The following UTRN variants were observed in gnomAD, a reference collection of about 807,000 sequenced individuals.
UTRN encodes the protein dystrophin-related protein 1.
Under a neutral mutation model 463.9 loss-of-function variants are expected in UTRN, and 283 were observed. That is an observed-to-expected ratio of 0.61 (90% CI 0.55 to 0.67). UTRN has a LOEUF of 0.67. UTRN is among the 30% of genes least tolerant of loss of function. The pLI is 0.00. For missense variants in UTRN, 3,922 were observed against 4,084.3 expected, an observed-to-expected ratio of 0.96 and a Z score of 1.08; for synonymous variants, 1,442 against 1,431.5, an observed-to-expected ratio of 1.01 and a Z score of -0.17.
intron 58 of UTRN, among the ~76,000 whole-genome samples, chr6:144,771,151 C>G (rs1188530160): frequency 6.6e-6 from 1 of 152,054 alleles, no homozygotes; most frequent in Non-Finnish European, 1.5e-5. Context: ...AAGCCAGGAC[C>G]GAAGGGTTCA....
At chr6:144,530,986 G>T in intron 41 of UTRN, 66 bp from the exon 42 acceptor site, 1 of 1,495,814 alleles carries the variant, frequency 6.7e-7, no homozygotes, top group African/African-American at 1.4e-5. Flanking sequence ...TTCTTTTTTA[G>T]AAAAATGGCT....
chr6:144,827,960 G>T (rs1209582810), intron 68 of UTRN, among the ~76,000 whole-genome samples: 1 of 152,158 alleles, frequency 6.6e-6, no homozygotes, highest in East Asian at 1.9e-4. Flanking sequence ...GTGTAACCAA[G>T]TTTCAGTAAA....
chr6:144,428,746 T>C, intron 7 of UTRN, 32 bp from the exon 8 acceptor site: 1 of 1,272,320 alleles, frequency 7.9e-7, no homozygotes, highest in Non-Finnish European at 1.1e-6. Flanking sequence ...ACATATTTCA[T>C]CTTCATTGCA....
chr6:144,678,403 T>C lies in UTRN; in HGVS notation c.7480-3T>C. The C allele has an allele frequency of 6.2e-7, 1 of 1,610,572 alleles. No individual in the cohort carries two copies. The highest frequency in any genetic ancestry group is 8.5e-7 in the Non-Finnish European group (1 of 1,177,864). ...CATTATCTATTTGCTTTTTTCTGTT[T>C]AGGACATCCAGGCAGAAATTGATGC... On this transcript the variant is annotated splice_region_variant and splice_polypyrimidine_tract_variant and intron_variant, in intron 51 of 74. Transcript: ENST00000367545.
intron 23 of UTRN, among the ~76,000 whole-genome samples, chr6:144,468,354 T>C (rs1790159239): frequency 6.6e-6 from 1 of 152,220 alleles, no homozygotes; most frequent in Non-Finnish European, 1.5e-5. Context: ...ATGGTCCATG[T>C]AGACTTTGAC....
chr6:144,699,982 T>C, intron 52 of UTRN, 105 bp from the exon 53 acceptor site: 1 of 1,119,642 alleles, frequency 8.9e-7, no homozygotes, highest in Non-Finnish European at 1.2e-6. Flanking sequence ...AAGTAAACAT[T>C]ACTTGGTCAG....
intron 74 of UTRN, among the ~76,000 whole-genome samples, chr6:144,848,405 C>T (rs1167194343): frequency 1.3e-5 from 2 of 152,058 alleles, no homozygotes; most frequent in African/African-American, 4.8e-5. Flanking sequence ...AAAGTGAGTA[C>T]AGTGATTCAA....
intron 61 of UTRN, among the ~76,000 whole-genome samples, chr6:144,788,382 A>G (rs1189983935): frequency 2.6e-5 from 4 of 152,144 alleles, no homozygotes; most frequent in Non-Finnish European, 4.4e-5. Context: ...TTAATTACCA[A>G]TTAGTATTCA....
At chr6:144,712,307 G>T (rs1473068055) in intron 53 of UTRN, among the ~76,000 whole-genome samples, 1 of 152,132 alleles carries the variant, frequency 6.6e-6, no homozygotes, top group Non-Finnish European at 1.5e-5. Context: ...ACCTGGACTT[G>T]TCTCCTAATC....
chr6:144,601,118 C>T (rs1182854350), intron 51 of UTRN, among the ~76,000 whole-genome samples: 1 of 152,164 alleles, frequency 6.6e-6, no homozygotes, highest in African/African-American at 2.4e-5. Context: ...TGACAATGTA[C>T]TGGTCAACCA....
chr6:144,490,113 G>A lies in UTRN; in HGVS notation c.4177G>A (p.Glu1393Lys). 6.2e-7 allele frequency: 1 copy of A among 1,613,704 alleles called. No individual in the cohort carries two copies. Among genetic ancestry groups the A allele is most frequent in the Non-Finnish European group, 8.5e-7 (1 of 1,179,812 alleles). Residue 1393 changes from glutamate to lysine, a missense_variant, in exon 31 of 75, where the codon GAG becomes AAG. Coordinates refer to ENST00000367545, the MANE Select transcript of UTRN (RefSeq NM_007124.3). ...CTCAGCCCATGAGCTAACCCTAGAGGAGTTGAGAAGAAATATGCGTTCTCA... is the reference window on the plus strand; with the variant it reads ...CTCAGCCCATGAGCTAACCCTAGAGAAGTTGAGAAGAAATATGCGTTCTCA... ...EISAHELTLE[E>K]LRRNMRSQPL...
At chr6:144,365,869 C>G (rs1779462581) in intron 2 of UTRN, among the ~76,000 whole-genome samples, 1 of 152,174 alleles carries the variant, frequency 6.6e-6, no homozygotes, top group Admixed American at 6.5e-5. Flanking sequence ...TCCTGCATAG[C>G]TGGGACTGCA....
chr6:144,426,911 C>T (rs1312249947), intron 7 of UTRN, among the ~76,000 whole-genome samples: 1 of 152,110 alleles, frequency 6.6e-6, no homozygotes, highest in Non-Finnish European at 1.5e-5. Flanking sequence ...CAAGAATAGC[C>T]AGTAGACTTC....
chr6:144,778,963 G>A (rs1183669377), intron 60 of UTRN, among the ~76,000 whole-genome samples: 1 of 152,070 alleles, frequency 6.6e-6, no homozygotes, highest in East Asian at 1.9e-4. Context: ...GAAGATTTAC[G>A]CTTGACTTAG....
At chr6:144,390,618 C>T (rs140547000) in intron 2 of UTRN, among the ~76,000 whole-genome samples, 43 of 152,334 alleles carry the variant, frequency 2.8e-4, no homozygotes, top group Middle Eastern at 3.4e-3. Flanking sequence ...GTGTCTGCAT[C>T]ATGTTTTTAG....
At chr6:144,827,205 G>C in intron 66 of UTRN, 143 bp from the exon 67 acceptor site, 1 of 892,586 alleles carries the variant, frequency 1.1e-6, no homozygotes, top group Non-Finnish European at 1.7e-6. Flanking sequence ...TGTTACTTTT[G>C]ATTTCCCCAT....
chr6:144,416,356 G>A (rs534423990), intron 3 of UTRN, among the ~76,000 whole-genome samples: 1 of 152,134 alleles, frequency 6.6e-6, no homozygotes, highest in South Asian at 2.1e-4. Flanking sequence ...TTCCCATATG[G>A]CCACCCTTAG....
chr6:144,375,866 C>T (rs899088455), intron 2 of UTRN, among the ~76,000 whole-genome samples: 1 of 152,196 alleles, frequency 6.6e-6, no homozygotes, highest in African/African-American at 2.4e-5. Flanking sequence ...TGGTCTAGTG[C>T]ACAGCCTGGT....
chr6:144,518,292 T>G (rs752354504), intron 39 of UTRN, among the ~76,000 whole-genome samples: 2 of 152,202 alleles, frequency 1.3e-5, no homozygotes, highest in Non-Finnish European at 2.9e-5. Context: ...GAAGAAACTG[T>G]TTAGGAAAAT....
Sources: gnomAD v4.1 joint callset for allele counts (sites outside exome capture counted in the v4.1 genomes callset) on GRCh38, gnomAD v4.1.1 for gene constraint, MANE v1.5 for transcripts, NCBI Gene and HGNC (gene_info 2026-07-23, HGNC 2026-07-21) for gene names.